Variants in BEND2 observed in about 807,000 individuals in gnomAD.
The protein encoded by BEND2 is BEN domain containing 2.
BEND2 carries 19 observed loss-of-function variants against 43.8 expected under a neutral mutation model. The observed-to-expected ratio is 0.43, with a 90% CI of 0.30 to 0.64. The LOEUF (loss-of-function observed/expected upper bound fraction) is 0.64. BEND2 is among the 30% of genes least tolerant of loss of function. The pLI is 0.11. For missense variants in BEND2, 544 were observed against 574.0 expected (o/e 0.95, Z 0.53); for synonymous variants, 226 against 210.1 (o/e 1.08, Z -0.66).
intron 6 of BEND2, among the ~76,000 whole-genome samples, chrX:18,196,173 C>T (rs755750253): frequency 9.2e-6 from 1 of 109,184 alleles, no homozygotes; most frequent in South Asian, 4.1e-4. Context: ...GTGGTGGGTG[C>T]CTGTAATCCC....
rs527793948 is a variant in BEND2, at chrX:18,201,523, G to A, written c.1033+292C>T. On this transcript the variant is annotated intron_variant, in intron 6 of 13. Transcript: ENST00000380033. ...TTTATTTATTTTGAGATGGAGTTTC[G>A]CTCTTGTTGCCCAGGCTGGAGTTAA... Among the ~76,000 whole-genome samples the A allele has an allele frequency of 8.6e-5, 9 of 104,941 alleles. No homozygotes were observed. The South Asian group carries it at 1.8e-3, about 21-fold the overall frequency. 91.1% of individuals were successfully genotyped at this position (104,941 alleles called of 115,157 possible). A position where few individuals can be genotyped will look rare whatever the true frequency, so the allele number is the denominator to read the frequency against.
chrX:18,202,922 C>T (rs1223333006), intron 5 of BEND2, among the ~76,000 whole-genome samples: 2 of 111,417 alleles, frequency 1.8e-5, no homozygotes, highest in African/African-American at 6.5e-5. Flanking sequence ...CATGGCACAC[C>T]TATACCATGG....
intron 4 of BEND2, among the ~76,000 whole-genome samples, chrX:18,204,963 A>T (rs1212020307): frequency 9.0e-6 from 1 of 111,517 alleles, no homozygotes; most frequent in African/African-American, 3.3e-5. Context: ...TGAGTGTTCC[A>T]CTCCAGAAAG....
chrX:18,208,111 C>A (rs1440310189), intron 4 of BEND2, among the ~76,000 whole-genome samples: 1 of 111,073 alleles, frequency 9.0e-6, no homozygotes, highest in Non-Finnish European at 1.9e-5. Flanking sequence ...AGAGACAGAA[C>A]TTCATACTTT....
chrX:18,206,691 G>A (rs1925345059), intron 4 of BEND2, among the ~76,000 whole-genome samples: 1 of 110,941 alleles, frequency 9.0e-6, no homozygotes, highest in African/African-American at 3.3e-5. Flanking sequence ...GGGCGGGGAT[G>A]GGGGCAGTTG....
chrX:18,213,775 TG>T lies in BEND2; in HGVS notation c.374del (p.Pro125GlnfsTer2). 6.6e-6 allele frequency: 1 copy of T among 151,180 alleles called. No homozygotes were observed. Among genetic ancestry groups the T allele is most frequent in the Non-Finnish European group, 1.3e-5 (1 of 78,772 alleles). The allele number at this position is 151,180 out of a possible 1,213,427, so 12.5% of individuals were successfully genotyped here. On this transcript the variant is annotated frameshift_variant and splice_region_variant, in exon 3 of 14. Coordinates refer to ENST00000380033, the MANE Select transcript of BEND2 (RefSeq NM_153346.5). LOFTEE classifies it high-confidence loss of function. ...AAAAATAAAAATAAAAATAAATACCTGGGCATGGTGGCGTGCGCCTGTCATC... is the reference window on the plus strand; with the variant it reads ...AAAAATAAAAATAAAAATAAATACCTGGCATGGTGGCGTGCGCCTGTCATC... ...SWDDRRTPPC[P>X]VAHGDQIVSQ...
chrX:18,174,344 G>C, intron 11 of BEND2, 86 bp from the exon 12 acceptor site: 9 of 855,589 alleles, frequency 1.1e-5, no homozygotes, highest in Non-Finnish European at 1.5e-5. Context: ...GGCCCACCAG[G>C]TTGCTAGGGA....
intron 8 of BEND2, among the ~76,000 whole-genome samples, chrX:18,189,035 C>T (rs144425139): frequency 0.024 from 2,594 of 109,463 alleles, 45 homozygotes; most frequent in Non-Finnish European, 0.035. Flanking sequence ...CCCATCTCTA[C>T]TAAAAATACA....
chrX:18,176,691 T>A (rs1034455229), intron 10 of BEND2, among the ~76,000 whole-genome samples: 5 of 109,878 alleles, frequency 4.6e-5, no homozygotes, highest in Non-Finnish European at 7.6e-5. Flanking sequence ...AAAAAAAAAA[T>A]TTTAAGTGTG....
At chrX:18,179,677 A>G (rs1339921074) in intron 9 of BEND2, among the ~76,000 whole-genome samples, 1 of 112,245 alleles carries the variant, frequency 8.9e-6, no homozygotes, top group Non-Finnish European at 1.9e-5. Flanking sequence ...GGTATTTGTG[A>G]CAGACAATAC....
At chrX:18,181,578 A>G (rs1174929988) in intron 8 of BEND2, among the ~76,000 whole-genome samples, 3 of 111,939 alleles carry the variant, frequency 2.7e-5, no homozygotes, top group Non-Finnish European at 3.8e-5. Flanking sequence ...AAAAATGAAA[A>G]CACCATCTGA....
Position 18,212,592 on chromosome X carries a change from T to G in BEND2, c.465A>C (p.Pro155=). ...YSYNSEEVDF[P]KRGRFYTPEV... is the part of the protein sequence containing the mutation. The stretch of plus-strand genomic sequence containing the variant: ...CTGGAGTATAGAATCTTCCTCTTTT[T>G]GGAAAATCCACTTCCTCTGAGTTGT... Residue 155 remains proline, a synonymous_variant, in exon 4 of 14, where the codon CCA becomes CCC. Coordinates refer to ENST00000380033, the MANE Select transcript of BEND2 (RefSeq NM_153346.5). 1 of 1,204,121 alleles carries G rather than the reference T, an allele frequency of 8.3e-7. No individual in the cohort carries two copies.
At chrX:18,168,870 T>C (rs1286072865) in intron 13 of BEND2, among the ~76,000 whole-genome samples, 1 of 112,347 alleles carries the variant, frequency 8.9e-6, no homozygotes, top group Non-Finnish European at 1.9e-5. Flanking sequence ...CAATGGGATA[T>C]GAATCAGTAG....
chrX:18,209,768 C>A (rs1925450704), intron 4 of BEND2, among the ~76,000 whole-genome samples: 1 of 111,117 alleles, frequency 9.0e-6, no homozygotes, highest in Non-Finnish European at 1.9e-5. Context: ...ATGTGGGATA[C>A]TAGATTTTAT....
chrX:18,219,424 A>G (rs969112894), intron 1 of BEND2, among the ~76,000 whole-genome samples: 21 of 112,766 alleles, frequency 1.9e-4, no homozygotes, highest in South Asian at 7.3e-4. Flanking sequence ...AGGATCTCCC[A>G]ACTTCCGCCT....
chrX:18,195,983 G>A (rs939448360), intron 6 of BEND2, among the ~76,000 whole-genome samples: 1 of 111,197 alleles, frequency 9.0e-6, no homozygotes, highest in Non-Finnish European at 1.9e-5. Flanking sequence ...GGAGCATCAG[G>A]AAGGAAGAAA....
rs1925551853 is a variant in BEND2 at position 18,212,695 on chromosome X, A to C, written c.377-15T>G. 9.2e-7 allele frequency: 1 copy of C among 1,085,056 alleles called. No homozygotes were observed. 89.4% of individuals were successfully genotyped at this position (1,085,056 alleles called of 1,213,427 possible). On this transcript the variant is annotated splice_polypyrimidine_tract_variant and intron_variant, in intron 3 of 13. Transcript: ENST00000380033. ...ACCATGGGCTACTGTGAAGCAATGC[A>C]TTAAAAAGTTATTTCATACACTACT...
At chrX:18,198,853 C>T (rs1925047146) in intron 6 of BEND2, among the ~76,000 whole-genome samples, 1 of 107,200 alleles carries the variant, frequency 9.3e-6, no homozygotes, top group South Asian at 4.3e-4. Context: ...ACATATACAC[C>T]ATGGAATACT....
chrX:18,167,542 A>C (rs893478878), intron 13 of BEND2, among the ~76,000 whole-genome samples: 9 of 111,343 alleles, frequency 8.1e-5, no homozygotes, highest in Non-Finnish European at 1.9e-5. Flanking sequence ...TAGAGGTCTT[A>C]GTTGACCATA....
Sources: gnomAD v4.1 joint callset for allele counts (sites outside exome capture counted in the v4.1 genomes callset) on GRCh38, gnomAD v4.1.1 for gene constraint, MANE v1.5 for transcripts, NCBI Gene and HGNC (gene_info 2026-07-23, HGNC 2026-07-21) for gene names.